Variants in ATXN3 observed in about 807,000 individuals in gnomAD.
The protein encoded by ATXN3 is ataxin-3.
Under a neutral mutation model 58.2 loss-of-function variants are expected in ATXN3, and 28 were observed. The observed-to-expected ratio is 0.48, with a 90% confidence interval of 0.36 to 0.66. The LOEUF is 0.66. ATXN3 is among the 30% of genes least tolerant of loss of function. The pLI is 0.00. For synonymous variants in ATXN3, 113 were observed against 138.5 expected (o/e 0.82, Z 1.29); for missense variants, 321 against 422.1 (o/e 0.76, Z 2.10).
intron 6 of ATXN3, 37 bp from the exon 7 acceptor site, chr14:92,083,295 G>A: frequency 6.4e-7 from 1 of 1,563,288 alleles, no homozygotes; most frequent in Non-Finnish European, 8.7e-7. Context: ...TAACCAGTTA[G>A]TAAAGAGATT....
chr14:92,086,241 C>CT (rs1225689169), intron 6 of ATXN3, among the ~76,000 whole-genome samples: 1 of 74,634 alleles, frequency 1.3e-5, no homozygotes, highest in Admixed American at 1.1e-4. Context: ...AACCCTGTCT[C>CT]TACTAAAAAT....
chr14:92,093,874 A>G (rs931236409), intron 3 of ATXN3, 43 bp from the exon 4 acceptor site: 3 of 1,222,138 alleles, frequency 2.5e-6, no homozygotes, highest in Non-Finnish European at 3.6e-6. Context: ...AAACCACTCC[A>G]TTCCAAATTT....
intron 1 of ATXN3, among the ~76,000 whole-genome samples, chr14:92,103,877 C>T (rs2067457579): frequency 6.6e-6 from 1 of 152,094 alleles, no homozygotes; most frequent in African/African-American, 2.4e-5. Flanking sequence ...AAACCCAGGA[C>T]CTAGCAAGGG....
At chr14:92,051,718 CTTTTTTTTT>C (rs1160650510), upstream of ATXN3, among the ~76,000 whole-genome samples, 337 of 35,684 alleles carry the variant, frequency 9.4e-3, 2 homozygotes, top group African/African-American at 0.035. Context: ...CTTTTCCTTT[CTTTTTTTTT>C]TTTTTTTTTT....
chr14:92,052,213 C>T (rs985807555), upstream of ATXN3, among the ~76,000 whole-genome samples: 3 of 151,998 alleles, frequency 2.0e-5, no homozygotes, highest in East Asian at 3.9e-4. Flanking sequence ...TCGCATCTCT[C>T]GCCGGGTGCG....
chr14:92,066,426 T>G (rs2058412025), intron 10 of ATXN3, among the ~76,000 whole-genome samples: 1 of 151,450 alleles, frequency 6.6e-6, no homozygotes, highest in Non-Finnish European at 1.5e-5. Context: ...TTTATTGTTC[T>G]TTCTTCCTTC....
At chr14:92,079,747 T>A (rs1486322749) in intron 9 of ATXN3, among the ~76,000 whole-genome samples, 1 of 152,098 alleles carries the variant, frequency 6.6e-6, no homozygotes, top group Non-Finnish European at 1.5e-5. Flanking sequence ...TTCTTTCTCT[T>A]TTTTTTTGAG....
chr14:92,095,275 C>T lies in ATXN3; in HGVS notation c.234+818G>A, dbSNP rs139703250. ...TCTTTTTTTCTTTGAGATGGAGTCT[C>T]GCTCTGTCACCAGGCTAGAGTGCAG... On this transcript the variant is annotated intron_variant, in intron 3 of 10. Transcript: ENST00000644486. Among the ~76,000 whole-genome samples the T allele has an allele frequency of 5.3e-4, 80 of 152,152 alleles. No homozygotes were observed. The East Asian group carries it at 0.013, about 25-fold the overall frequency.
intron 9 of ATXN3, 29 bp downstream of exon 9, chr14:92,080,936 G>A: frequency 6.7e-7 from 1 of 1,500,876 alleles, no homozygotes. Context: ...TATTAAACAT[G>A]CTACTTTAAC....
downstream of ATXN3, among the ~76,000 whole-genome samples, chr14:92,058,109 G>A (rs1595430003): frequency 6.6e-6 from 1 of 152,148 alleles, no homozygotes; most frequent in Admixed American, 6.5e-5. Flanking sequence ...GGACCTTTTG[G>A]CAGGCAGTAA....
intron 1 of ATXN3, among the ~76,000 whole-genome samples, chr14:92,102,245 A>G (rs1343097165): frequency 2.0e-5 from 3 of 151,726 alleles, no homozygotes; most frequent in Non-Finnish European, 2.9e-5. Context: ...AAGGAAGGAA[A>G]GAAAGAAAGA....
At chr14:92,097,893 G>A (rs1369020718) in intron 1 of ATXN3, among the ~76,000 whole-genome samples, 1 of 152,026 alleles carries the variant, frequency 6.6e-6, no homozygotes, top group Non-Finnish European at 1.5e-5. Flanking sequence ...ATAGGTACAT[G>A]CATTTTCATT....
intron 1 of ATXN3, among the ~76,000 whole-genome samples, chr14:92,097,603 G>A (rs1195482816): frequency 6.7e-6 from 1 of 149,970 alleles, no homozygotes; most frequent in African/African-American, 2.5e-5. Flanking sequence ...TCGGCTCACT[G>A]TAAGCTCTGC....
chr14:92,063,780 C>T lies in ATXN3; in HGVS notation c.*540G>A, dbSNP rs1444974255. ...AAAGTTGTGATCAGAGAAAACAACA[C>T]AAGAAAACACTGGAGCACACGGTAT... On this transcript the variant is annotated 3_prime_UTR_variant, in exon 11 of 11. Transcript: ENST00000644486. 1 of 152,060 alleles carries T rather than the reference C, an allele frequency of 6.6e-6. No homozygotes were observed. The highest frequency in any genetic ancestry group is 2.4e-5 in the African/African-American group (1 of 41,398). The allele number at this position is 152,060 out of a possible 1,614,324, so 9.4% of individuals were successfully genotyped here. A position where few individuals can be genotyped will look rare whatever the true frequency, so the allele number is the denominator to read the frequency against.
upstream of ATXN3, among the ~76,000 whole-genome samples, chr14:92,051,341 T>C (rs186953675): frequency 8.5e-5 from 13 of 152,320 alleles, no homozygotes; most frequent in Admixed American, 8.5e-4. Context: ...ACAGAATCTT[T>C]CTAAAACTTA....
intron 6 of ATXN3, chr14:92,083,459 T>C: frequency 1.5e-6 from 1 of 678,460 alleles, no homozygotes; most frequent in Non-Finnish European, 2.7e-6. Flanking sequence ...TCTCTGAGCC[T>C]CACTTTCTCC....
chr14:92,083,185 G>C lies in ATXN3; in HGVS notation c.549C>G (p.Val183=). 6.2e-7 allele frequency: 1 copy of C among 1,613,624 alleles called. No individual in the cohort carries two copies. Among genetic ancestry groups the C allele is most frequent in the Non-Finnish European group, 8.5e-7 (1 of 1,179,928 alleles). The change falls in exon 7 of 11, where the codon GTC becomes GTG. Residue 183 remains valine, a synonymous_variant. Coordinates refer to ENST00000644486, the MANE Select transcript of ATXN3 (RefSeq NM_004993.6). ...EADQLLQMIR[V]QQMHRPKLIG... ...TAAGTTTTGGTCGATGCATCTGTTG[G>C]ACCCTAATCATCTGCAGGAGTTGGT...
At chr14:92,051,718 CTTTTTTTTTTT>C (rs1160650510), upstream of ATXN3, among the ~76,000 whole-genome samples, 21 of 35,708 alleles carry the variant, frequency 5.9e-4, no homozygotes, top group East Asian at 0.013. Context: ...CTTTTCCTTT[CTTTTTTTTTTT>C]TTTTTTTTTT....
Position 92,047,344 on chromosome 14 carries a change from C to A in ATXN3, n.276+552G>T, listed in dbSNP as rs1382659014. 2.0e-5 allele frequency among the ~76,000 whole-genome samples: 3 copies of A among 152,286 alleles called. No individual in the cohort carries two copies. In the East Asian group the frequency reaches 5.8e-4, roughly 29 times the overall value. On this transcript the variant is annotated intron_variant and non_coding_transcript_variant, in intron 2 of 2. Transcript: ENST00000564606. ...CTGTAAGACTTGTCCGGTTTTTGAA[C>A]AGGTAAAATGGGAGAATTGTAAGAA...
Sources: gnomAD v4.1 joint callset for allele counts (sites outside exome capture counted in the v4.1 genomes callset) on GRCh38, gnomAD v4.1.1 for gene constraint, MANE v1.5 for transcripts, NCBI Gene and HGNC (gene_info 2026-07-23, HGNC 2026-07-21) for gene names.